MEIS2: variants seen among roughly 807,000 people sequenced by gnomAD.
The protein encoded by MEIS2 is Meis homeobox 2.
In MEIS2, 9 loss-of-function variants were observed where a neutral mutation model predicts 58.6. The observed-to-expected ratio is 0.15, with a 90% CI of 0.09 to 0.27. The LOEUF is 0.27. Ranked by LOEUF, MEIS2 falls within the 10% of genes least tolerant of loss-of-function variation. The pLI, the probability that MEIS2 is intolerant of heterozygous loss-of-function variation, is 1.00. For missense variants in MEIS2, 427 were observed against 635.0 expected (o/e 0.67, Z 3.52); for synonymous variants, 221 against 228.4 (o/e 0.97, Z 0.29).
At chr15:36,916,590 C>T (rs1017510105) in intron 9 of MEIS2, among the ~76,000 whole-genome samples, 2 of 152,002 alleles carry the variant, frequency 1.3e-5, no homozygotes, top group African/African-American at 4.8e-5. Flanking sequence ...CACCACCACA[C>T]CTGGCTACTT....
Position 36,892,474 on chromosome 15 carries a change from G to A in MEIS2, c.1148-15C>T. ...GCTCTGCAAACCTGAAAATAGAGAG[G>A]GAAAAAGAAAGCGGGTCAAATTCCT... On this transcript the variant is annotated splice_polypyrimidine_tract_variant and intron_variant, in intron 11 of 11. Transcript: ENST00000561208. The A allele has an allele frequency of 6.2e-7, 1 of 1,601,036 alleles. No individual in the cohort carries two copies. The highest frequency in any genetic ancestry group is 8.5e-7 in the Non-Finnish European group (1 of 1,175,244).
At chr15:37,023,763 C>T (rs1260272615) in intron 8 of MEIS2, among the ~76,000 whole-genome samples, 1 of 152,166 alleles carries the variant, frequency 6.6e-6, no homozygotes, top group Admixed American at 6.5e-5. Flanking sequence ...CACTCTCCAT[C>T]ACCCTCGCCA....
At chr15:37,093,003 T>C (rs1458227322) in intron 6 of MEIS2, among the ~76,000 whole-genome samples, 2 of 152,170 alleles carry the variant, frequency 1.3e-5, no homozygotes, top group Admixed American at 6.5e-5. Flanking sequence ...GCTTCAGGCA[T>C]TTGGCAATAA....
intron 8 of MEIS2, among the ~76,000 whole-genome samples, chr15:36,973,805 T>A (rs1410712061): frequency 2.7e-5 from 4 of 148,632 alleles, no homozygotes; most frequent in Non-Finnish European, 6.0e-5. Flanking sequence ...TCTTCTTATT[T>A]AAAAAAAAAA....
In MEIS2 at chr15:37,083,856, A is replaced by C. The variant is rs1329224401; in HGVS notation, c.669T>G (p.Asp223Glu). The C allele has an allele frequency of 1.9e-6, 3 of 1,613,952 alleles. No homozygotes were observed. The highest frequency in any genetic ancestry group is 2.5e-6 in the Non-Finnish European group (3 of 1,179,984). Residue 223 changes from aspartate to glutamate, a missense_variant, in exon 7 of 12, where the codon GAT becomes GAG. Coordinates refer to ENST00000561208, the MANE Select transcript of MEIS2 (RefSeq NM_170675.5). ...HNPSSWRDHD[D>E]ATSTHSAGTP... ...TGCCTGCTGAGTGGGTTGAGGTTGC[A>C]TCATCGTGGTCTCGCCAAGAAGAAG...
At chr15:37,058,256 C>T (rs751019754) in intron 7 of MEIS2, among the ~76,000 whole-genome samples, 7 of 152,162 alleles carry the variant, frequency 4.6e-5, no homozygotes, top group Non-Finnish European at 1.0e-4. Flanking sequence ...GGGAGAACAA[C>T]TGATTTCTCA....
intron 9 of MEIS2, among the ~76,000 whole-genome samples, chr15:36,902,102 G>T (rs2056504991): frequency 6.6e-6 from 1 of 152,166 alleles, no homozygotes; most frequent in Non-Finnish European, 1.5e-5. Flanking sequence ...GAGGATTGAG[G>T]GAGATTTTGT....
At chr15:37,077,134 G>T (rs1168010930) in intron 7 of MEIS2, among the ~76,000 whole-genome samples, 2 of 152,036 alleles carry the variant, frequency 1.3e-5, no homozygotes, top group Non-Finnish European at 2.9e-5. Flanking sequence ...TTTGACACGA[G>T]ATGTACTAAC....
intron 9 of MEIS2, among the ~76,000 whole-genome samples, chr15:36,915,349 T>G (rs11634246): frequency 1.4e-3 from 213 of 152,176 alleles, no homozygotes; most frequent in Non-Finnish European, 2.6e-3. Context: ...TCAGCTGGGC[T>G]GTGTGCTAGG....
At chr15:37,040,090 G>A (rs1319159907) in intron 7 of MEIS2, among the ~76,000 whole-genome samples, 1 of 150,908 alleles carries the variant, frequency 6.6e-6, no homozygotes, top group Non-Finnish European at 1.5e-5. Context: ...GTGTGTGTGT[G>A]TGTGTGGTTG....
intron 8 of MEIS2, among the ~76,000 whole-genome samples, chr15:37,010,528 G>A (rs149735044): frequency 1.4e-4 from 22 of 152,100 alleles, no homozygotes; most frequent in East Asian, 9.7e-4. Flanking sequence ...GACTACAGAC[G>A]CATGCCACCA....
At chr15:36,992,009 G>A (rs954119255) in intron 8 of MEIS2, among the ~76,000 whole-genome samples, 18 of 150,932 alleles carry the variant, frequency 1.2e-4, no homozygotes, top group African/African-American at 3.9e-4. Flanking sequence ...GGATGGTCTC[G>A]ATCTCCTGAC....
chr15:36,910,976 C>T (rs965784385), intron 9 of MEIS2, among the ~76,000 whole-genome samples: 42 of 139,286 alleles, frequency 3.0e-4, no homozygotes, highest in Non-Finnish European at 5.3e-4. Context: ...GCCCGGGAGG[C>T]GGAGGTTGCA....
chr15:36,995,027 G>A (rs893190235), intron 8 of MEIS2, among the ~76,000 whole-genome samples: 1 of 152,120 alleles, frequency 6.6e-6, no homozygotes, highest in African/African-American at 2.4e-5. Context: ...CCTTTTCCCT[G>A]GGGCACAAAC....
chr15:37,100,697 C>CTG (rs1364869010), upstream of MEIS2, among the ~76,000 whole-genome samples: 6 of 149,856 alleles, frequency 4.0e-5, no homozygotes, highest in African/African-American at 1.2e-4. Context: ...GAGAGTGTGT[C>CTG]TGTGTGTGTG....
intron 9 of MEIS2, among the ~76,000 whole-genome samples, chr15:36,934,340 C>T (rs138670462): frequency 9.7e-4 from 147 of 151,860 alleles, no homozygotes; most frequent in African/African-American, 3.4e-3. Flanking sequence ...AGGCACAAAG[C>T]TTTAACATTC....
chr15:36,990,411 AATTTGTTACT>A (rs1157896592), intron 8 of MEIS2, among the ~76,000 whole-genome samples: 1 of 152,216 alleles, frequency 6.6e-6, no homozygotes, highest in Admixed American at 6.5e-5. Context: ...GGAAATTATA[AATTTGTTACT>A]ATTAAAATAA....
At chr15:36,920,122 A>T (rs199767069) in intron 9 of MEIS2, among the ~76,000 whole-genome samples, 1 of 88,850 alleles carries the variant, frequency 1.1e-5, no homozygotes, top group East Asian at 3.0e-4. Context: ...TACTGCTTTT[A>T]TTTATTTATT....
At chr15:36,991,718 GCTACA>G in intron 8 of MEIS2, among the ~76,000 whole-genome samples, 1 of 148,412 alleles carries the variant, frequency 6.7e-6, no homozygotes, top group Admixed American at 6.7e-5. Context: ...AAGCTATCAG[GCTACA>G]CTCTTTAATC....
Sources: gnomAD v4.1 joint callset for allele counts (sites outside exome capture counted in the v4.1 genomes callset) on GRCh38, gnomAD v4.1.1 for gene constraint, MANE v1.5 for transcripts, NCBI Gene and HGNC (gene_info 2026-07-23, HGNC 2026-07-21) for gene names.